FKBP5: variants seen among roughly 807,000 people sequenced by gnomAD.
FKBP5 encodes peptidyl-prolyl cis-trans isomerase FKBP5.
Under a neutral mutation model 50.5 loss-of-function variants are expected in FKBP5, and 23 were observed. That is an observed-to-expected ratio of 0.46 (90% CI 0.33 to 0.65). The LOEUF is 0.65. Among genes scored for constraint, FKBP5 ranks in the 30% least tolerant of loss-of-function variants. The pLI is 0.02. For missense variants in FKBP5, 411 were observed against 553.1 expected (o/e 0.74, Z 2.58); for synonymous variants, 176 against 190.6 (o/e 0.92, Z 0.63).
chr6:35,719,856 C>T (rs1040954683), intron 2 of FKBP5, among the ~76,000 whole-genome samples: 1 of 152,220 alleles, frequency 6.6e-6, no homozygotes, highest in African/African-American at 2.4e-5. Flanking sequence ...TTTCCCCTTT[C>T]TGGGAGGGGG....
intron 2 of FKBP5, among the ~76,000 whole-genome samples, chr6:35,695,035 C>T (rs539388980): frequency 6.6e-6 from 1 of 152,310 alleles, no homozygotes; most frequent in African/African-American, 2.4e-5. Flanking sequence ...CAGCCATCTT[C>T]AACCTGATAA....
intron 2 of FKBP5, among the ~76,000 whole-genome samples, chr6:35,642,301 A>C (rs2150989155): frequency 6.6e-6 from 1 of 152,270 alleles, no homozygotes; most frequent in Non-Finnish European, 1.5e-5. Context: ...TCTGGGATTA[A>C]AAATTAAAAT....
intron 8 of FKBP5, chr6:35,582,766 G>T (rs1308899307): frequency 9.1e-6 from 9 of 985,220 alleles, no homozygotes; most frequent in Non-Finnish European, 1.1e-5. Context: ...ACCAGTTTCA[G>T]GTCGGCATTT....
At chr6:35,712,042 TAAA>T (rs71002597) in intron 2 of FKBP5, among the ~76,000 whole-genome samples, 2 of 128,258 alleles carry the variant, frequency 1.6e-5, no homozygotes, top group African/African-American at 3.0e-5. Context: ...CTGGGCTAAT[TAAA>T]AAAAAAAAAA....
At chr6:35,636,887 G>T in intron 3 of FKBP5, 127 bp downstream of exon 3, 1 of 785,890 alleles carries the variant, frequency 1.3e-6, no homozygotes, top group Non-Finnish European at 1.9e-6. Flanking sequence ...GGGATTCTCA[G>T]ACCATTCTTT....
At chr6:35,702,072 T>C (rs1766199057) in intron 2 of FKBP5, among the ~76,000 whole-genome samples, 1 of 152,054 alleles carries the variant, frequency 6.6e-6, no homozygotes, top group African/African-American at 2.4e-5. Flanking sequence ...GGTCTGGAAC[T>C]CCTGACCTCA....
chr6:35,652,916 C>A (rs1325516440), intron 1 of FKBP5, among the ~76,000 whole-genome samples: 1 of 152,164 alleles, frequency 6.6e-6, no homozygotes. Context: ...TAAAATTTCT[C>A]TCTTTTGTAC....
chr6:35,666,725 C>T (rs1177137800), intron 1 of FKBP5, among the ~76,000 whole-genome samples: 2 of 151,928 alleles, frequency 1.3e-5, no homozygotes, highest in South Asian at 2.1e-4. Flanking sequence ...CCCGTCTCTA[C>T]TAAAAATACA....
rs907979078 is a variant in FKBP5 at position 35,659,643 on chromosome 6, T to C, written c.-19-16800A>G. ...TCTTTCAAGGAATTTGCACATTTCA[T>C]CTAGCTGTCTAATGTATTACTATAA... On this transcript the variant is annotated intron_variant, in intron 1 of 10. Coordinates refer to ENST00000357266, the MANE Select transcript of FKBP5 (RefSeq NM_004117.4). 1.3e-4 allele frequency among the ~76,000 whole-genome samples: 11 copies of C among 85,370 alleles called. 2 individuals are homozygous for C. Among genetic ancestry groups the C allele is most frequent in the Admixed American group, 9.6e-4 (8 of 8,354 alleles). 56.0% of individuals were successfully genotyped at this position (85,370 alleles called of 152,430 possible).
intron 3 of FKBP5, among the ~76,000 whole-genome samples, chr6:35,620,820 C>G (rs994269251): frequency 2.0e-5 from 3 of 152,160 alleles, no homozygotes; most frequent in Admixed American, 1.3e-4. Flanking sequence ...AAAATTAAGT[C>G]TTTGAAAACT....
chr6:35,708,493 C>T (rs1192941589), intron 2 of FKBP5, among the ~76,000 whole-genome samples: 1 of 152,110 alleles, frequency 6.6e-6, no homozygotes, highest in Non-Finnish European at 1.5e-5. Flanking sequence ...CTCAGGTGAT[C>T]TACCCACCTT....
At chr6:35,586,213 G>GT in intron 8 of FKBP5, 1 of 984,930 alleles carries the variant, frequency 1.0e-6, no homozygotes, top group Admixed American at 6.2e-5. Context: ...ATGAAGGGCG[G>GT]TTTCTTTTTT....
chr6:35,584,846 A>G (rs1038058909), intron 8 of FKBP5: 60 of 985,320 alleles, frequency 6.1e-5, no homozygotes, highest in Non-Finnish European at 6.9e-5. Flanking sequence ...GATTTTATCC[A>G]AAGATTGGTA....
chr6:35,719,533 C>T (rs549951662), intron 2 of FKBP5, among the ~76,000 whole-genome samples: 3 of 152,292 alleles, frequency 2.0e-5, no homozygotes, highest in East Asian at 1.9e-4. Flanking sequence ...GAAAAATACA[C>T]GGAACGGACA....
chr6:35,585,043 G>C, intron 8 of FKBP5: 1 of 985,334 alleles, frequency 1.0e-6, no homozygotes, highest in Non-Finnish European at 1.2e-6. Flanking sequence ...TACCAATAAT[G>C]TTCTCCAAAA....
intron 8 of FKBP5, chr6:35,581,341 T>C (rs1762423962): frequency 5.8e-6 from 2 of 342,670 alleles, no homozygotes; most frequent in Non-Finnish European, 8.2e-6. Flanking sequence ...GCACAGTGGC[T>C]CATACCTGTA....
At chr6:35,702,880 A>G (rs1369401938) in intron 2 of FKBP5, among the ~76,000 whole-genome samples, 1 of 152,206 alleles carries the variant, frequency 6.6e-6, no homozygotes, top group Non-Finnish European at 1.5e-5. Flanking sequence ...TGTGTTAAAC[A>G]AAGATTTATT....
At chr6:35,642,459 A>T (rs1425447556) in intron 2 of FKBP5, among the ~76,000 whole-genome samples, 1 of 152,164 alleles carries the variant, frequency 6.6e-6, no homozygotes, top group African/African-American at 2.4e-5. Flanking sequence ...TAATTTAAAA[A>T]GAAAATCCCA....
At chr6:35,594,102 C>T (rs575955949) in intron 6 of FKBP5, among the ~76,000 whole-genome samples, 64 of 151,946 alleles carry the variant, frequency 4.2e-4, no homozygotes, top group Admixed American at 1.2e-3. Context: ...ACCTGTAATC[C>T]CAAGCACTTT....
Sources: allele counts gnomAD v4.1 joint callset (sites outside exome capture counted in the v4.1 genomes callset), GRCh38; gene constraint gnomAD v4.1.1; transcripts MANE v1.5; gene names NCBI Gene and HGNC (gene_info 2026-07-23, HGNC 2026-07-21).